CPE: variants seen among roughly 807,000 people sequenced by gnomAD.
CPE encodes the protein carboxypeptidase E, also known as carbocypeptidase E.
CPE carries 17 observed loss-of-function variants against 53.5 expected under a neutral mutation model. The ratio of observed to expected loss-of-function variants is 0.32; its 90% CI spans 0.22 to 0.48. The LOEUF (loss-of-function observed/expected upper bound fraction) is 0.48, where lower values mean the gene tolerates loss of function less well. Ranked by LOEUF, CPE falls within the 20% of genes least tolerant of loss-of-function variation. The pLI is 0.99. For missense variants in CPE, 524 were observed against 614.7 expected, an observed-to-expected ratio of 0.85 and a Z score of 1.56; for synonymous variants, 226 against 228.8, an observed-to-expected ratio of 0.99 and a Z score of 0.11.
chr4:165,437,706 C>G (rs1731532770), intron 1 of CPE, among the ~76,000 whole-genome samples: 1 of 152,130 alleles, frequency 6.6e-6, no homozygotes, highest in Non-Finnish European at 1.5e-5. Flanking sequence ...GGAGGAAAGA[C>G]AGTCAGCCAA....
chr4:165,426,393 T>G (rs1262754144), intron 1 of CPE, among the ~76,000 whole-genome samples: 1 of 152,274 alleles, frequency 6.6e-6, no homozygotes, highest in Non-Finnish European at 1.5e-5. Context: ...AGTTGCTGTG[T>G]GACATCTACT....
intron 1 of CPE, among the ~76,000 whole-genome samples, chr4:165,442,015 G>A (rs1393206088): frequency 7.0e-6 from 1 of 143,550 alleles, no homozygotes; most frequent in Admixed American, 6.9e-5. Flanking sequence ...CAGCAAGACG[G>A]TGAGTTTGTT....
intron 1 of CPE, among the ~76,000 whole-genome samples, chr4:165,456,310 T>C (rs548228205): frequency 2.3e-4 from 35 of 152,242 alleles, no homozygotes; most frequent in African/African-American, 8.2e-4. Context: ...GGATAACTTA[T>C]TCAGTCAAAA....
Position 165,493,283 on chromosome 4 carries a change from C to T in CPE, c.1213+13C>T, listed in dbSNP as rs751980730. 5.1e-6 allele frequency: 8 copies of T among 1,572,310 alleles called. No homozygotes were observed. The South Asian group carries it at 7.8e-5, about 15-fold the overall frequency. On this transcript the variant is annotated intron_variant, in intron 7 of 8. Transcript: ENST00000402744. ...GATGTTACATCCGGTGGGTCTTTGC[C>T]ACAATTGGAGGCTCTACGTTATGTA...
intron 5 of CPE, among the ~76,000 whole-genome samples, chr4:165,486,065 A>G (rs1732499832): frequency 2.6e-5 from 4 of 152,152 alleles, no homozygotes. Flanking sequence ...CTTGAGAGAA[A>G]GGGACCAGCC....
At chr4:165,477,835 C>G (rs1318656196) in intron 3 of CPE, among the ~76,000 whole-genome samples, 1 of 152,114 alleles carries the variant, frequency 6.6e-6, no homozygotes, top group African/African-American at 2.4e-5. Flanking sequence ...GCAAAGCCCT[C>G]CAGATGCTGG....
At chr4:165,480,217 G>A (rs1284570122) in intron 3 of CPE, among the ~76,000 whole-genome samples, 6 of 152,050 alleles carry the variant, frequency 3.9e-5, no homozygotes. Context: ...GAGATGGAAG[G>A]TTTATTATAC....
intron 1 of CPE, among the ~76,000 whole-genome samples, chr4:165,420,997 C>T (rs1267354352): frequency 6.6e-6 from 1 of 152,120 alleles, no homozygotes; most frequent in Non-Finnish European, 1.5e-5. Flanking sequence ...AATTTTATCA[C>T]ACTTAGAATT....
At chr4:165,417,048 CA>C (rs1428515717) in intron 1 of CPE, among the ~76,000 whole-genome samples, 1 of 151,906 alleles carries the variant, frequency 6.6e-6, no homozygotes, top group Non-Finnish European at 1.5e-5. Flanking sequence ...GGTTTATTTA[CA>C]AAAGATGCAA....
intron 3 of CPE, among the ~76,000 whole-genome samples, chr4:165,474,082 G>A (rs1481825496): frequency 6.6e-6 from 1 of 152,248 alleles, no homozygotes; most frequent in Non-Finnish European, 1.5e-5. Flanking sequence ...ACCAATGGCA[G>A]TTACCTGAAG....
At chr4:165,388,686 T>C (rs1354760455) in intron 1 of CPE, among the ~76,000 whole-genome samples, 1 of 152,234 alleles carries the variant, frequency 6.6e-6, no homozygotes, top group Non-Finnish European at 1.5e-5. Context: ...TTATTCTTAA[T>C]GTAGCAAACA....
At chr4:165,464,309 C>A (rs986989726) in intron 1 of CPE, 81 bp from the exon 2 acceptor site, 5 of 1,130,648 alleles carry the variant, frequency 4.4e-6, no homozygotes, top group Non-Finnish European at 4.9e-6. Flanking sequence ...ATCAGATATT[C>A]ATAATACATT....
intron 5 of CPE, among the ~76,000 whole-genome samples, chr4:165,486,958 T>C (rs1383733856): frequency 6.6e-6 from 1 of 152,212 alleles, no homozygotes; most frequent in Non-Finnish European, 1.5e-5. Context: ...TGATTGACAA[T>C]AGTATATTGC....
chr4:165,496,026 AT>A (rs1732700508), intron 8 of CPE, among the ~76,000 whole-genome samples: 2 of 152,224 alleles, frequency 1.3e-5, no homozygotes, highest in South Asian at 4.1e-4. Flanking sequence ...TGAAAAAAAA[AT>A]GATGCATATA....
intron 1 of CPE, among the ~76,000 whole-genome samples, chr4:165,398,880 G>C (rs985182248): frequency 9.2e-5 from 14 of 152,260 alleles, no homozygotes; most frequent in South Asian, 4.1e-4. Context: ...AGAATACCAG[G>C]TGATATACAC....
chr4:165,484,763 G>A (rs182747840), intron 5 of CPE, among the ~76,000 whole-genome samples, 159 bp downstream of exon 5: 29 of 152,288 alleles, frequency 1.9e-4, no homozygotes, highest in East Asian at 7.7e-4. Flanking sequence ...AACTTTTTGC[G>A]TGAATGATTA....
chr4:165,440,206 C>A (rs1731583873), intron 1 of CPE, among the ~76,000 whole-genome samples: 1 of 152,092 alleles, frequency 6.6e-6, no homozygotes, highest in African/African-American at 2.4e-5. Flanking sequence ...AGAAAAACTC[C>A]TAATGTTCTT....
At chr4:165,397,985 G>A (rs1730798297) in intron 1 of CPE, among the ~76,000 whole-genome samples, 1 of 150,042 alleles carries the variant, frequency 6.7e-6, no homozygotes, top group South Asian at 2.1e-4. Flanking sequence ...CCAGGAGTTG[G>A]AGGCTGCAGT....
chr4:165,409,732 C>A (rs988762193), intron 1 of CPE, among the ~76,000 whole-genome samples: 1 of 152,052 alleles, frequency 6.6e-6, no homozygotes, highest in African/African-American at 2.4e-5. Context: ...CTAGGATGAG[C>A]CAGTCTTTAT....
Sources: gnomAD v4.1 joint callset for allele counts (sites outside exome capture counted in the v4.1 genomes callset) on GRCh38, gnomAD v4.1.1 for gene constraint, MANE v1.5 for transcripts, NCBI Gene and HGNC (gene_info 2026-07-23, HGNC 2026-07-21) for gene names.